CACNA2D4: variants seen among roughly 807,000 people sequenced by gnomAD.
CACNA2D4 encodes calcium voltage-gated channel auxiliary subunit alpha2delta 4.
CACNA2D4 carries 157 observed loss-of-function variants against 163.8 expected under a neutral mutation model. The observed-to-expected ratio is 0.96, with a 90% confidence interval of 0.84 to 1.09. CACNA2D4 has a LOEUF of 1.09. Ranked by LOEUF, CACNA2D4 falls within the 50% of genes least tolerant of loss-of-function variation. CACNA2D4 has a pLI of 0.00. For synonymous variants in CACNA2D4, 598 were observed against 586.9 expected (o/e 1.02, Z -0.27); for missense variants, 1,410 against 1,479.9 (o/e 0.95, Z 0.78).
intron 29 of CACNA2D4, among the ~76,000 whole-genome samples, chr12:1,808,444 G>A (rs1309168990): frequency 6.6e-6 from 1 of 152,248 alleles, no homozygotes; most frequent in Non-Finnish European, 1.5e-5. Context: ...AGGTTTTACT[G>A]GAGCAACGCC....
chr12:1,834,813 T>A lies in CACNA2D4; in HGVS notation c.2551+5926A>T. On this transcript the variant is annotated intron_variant, in intron 26 of 37. Coordinates refer to ENST00000382722, the MANE Select transcript of CACNA2D4 (RefSeq NM_172364.5). The surrounding 1 kb of genome is among the most constrained non-coding windows in gnomAD (Gnocchi z 7.6). The stretch of plus-strand genomic sequence containing the variant: ...CCCACCTTGACCCGGCGCTGGCCAC[T>A]GCCTCCCCGAGTCCACCCTCCTCCC... 1 of 1,453,912 alleles carries A rather than the reference T, an allele frequency of 6.9e-7. No homozygotes were observed. The highest frequency in any genetic ancestry group is 9.0e-7 in the Non-Finnish European group (1 of 1,106,616). 90.1% of individuals were successfully genotyped at this position (1,453,912 alleles called of 1,614,324 possible).
chr12:1,825,223 G>A (rs559287795), intron 26 of CACNA2D4, among the ~76,000 whole-genome samples: 13 of 152,224 alleles, frequency 8.5e-5, no homozygotes, highest in Admixed American at 3.9e-4. Context: ...CACAGTGTGG[G>A]AGACACTGAG....
rs977479069 is a variant in CACNA2D4, at chr12:1,849,530, T to G, written c.2247-2841A>C. On this transcript the variant is annotated intron_variant, in intron 23 of 37. Transcript: ENST00000382722. ...AATGAACTTGATATATGGCTAGGTT[T>G]AGCTGTTTCATTTGCTTTCAATTAC... Among the ~76,000 whole-genome samples the G allele has an allele frequency of 2.0e-4, 30 of 152,248 alleles. 1 individual carries two copies. The highest frequency in any genetic ancestry group is 5.9e-5 in the Non-Finnish European group (4 of 68,044).
chr12:1,893,385 G>T (rs978660881), intron 6 of CACNA2D4, among the ~76,000 whole-genome samples: 1 of 152,150 alleles, frequency 6.6e-6, no homozygotes, highest in African/African-American at 2.4e-5. Flanking sequence ...CACACATGGT[G>T]GTGGGCGCCT....
rs1353296584 is a variant in CACNA2D4, at chr12:1,917,593, G to C, written c.227+654C>G. On this transcript the variant is annotated intron_variant, in intron 1 of 37. Transcript: ENST00000382722. The surrounding 1 kb of genome is among the most constrained non-coding windows in gnomAD (Gnocchi z 4.3). ...GGGCCTAAAACACAGACACCCCAGA[G>C]AGGTTGCACAGTAATTTACATGTAC... is the stretch of plus-strand genomic sequence containing the variant. Among the ~76,000 whole-genome samples, 1 of 152,190 alleles carries C rather than the reference G, an allele frequency of 6.6e-6. No homozygotes were observed. The highest frequency in any genetic ancestry group is 1.9e-4 in the East Asian group (1 of 5,192).
At chr12:1,800,518 C>CTGGTCTCTCTG in intron 31 of CACNA2D4, 80 bp from the exon 32 acceptor site, 1 of 1,380,826 alleles carries the variant, frequency 7.2e-7, no homozygotes, top group Non-Finnish European at 1.0e-6. Context: ...GCACCACCCT[C>CTGGTCTCTCTG]AGAGAGACCA....
intron 6 of CACNA2D4, among the ~76,000 whole-genome samples, chr12:1,904,014 C>T (rs1309730355): frequency 6.6e-6 from 1 of 152,044 alleles, no homozygotes; most frequent in Non-Finnish European, 1.5e-5. Context: ...AAATGTGGTA[C>T]ATGTATACAA....
chr12:1,872,256 C>A (rs1352517192), intron 18 of CACNA2D4, among the ~76,000 whole-genome samples: 3 of 152,180 alleles, frequency 2.0e-5, no homozygotes, highest in Non-Finnish European at 4.4e-5. Context: ...GCCCCCTGCA[C>A]GGAGGCCTGT....
chr12:1,907,444 A>G lies in CACNA2D4; in HGVS notation c.777T>C (p.Tyr259=), dbSNP rs773705416. ...FGSATGFFRI[Y]PGIKWTPDEN... Reference sequence around the variant, plus strand: ...GATGCAACTCCATGTCCTTACCTGGATAGATCCTGAAGAATCCAGTTGCAC... The same window carrying G: ...GATGCAACTCCATGTCCTTACCTGGGTAGATCCTGAAGAATCCAGTTGCAC... Residue 259 remains tyrosine (Y), a synonymous_variant, in exon 6 of 38, where the codon TAT becomes TAC. Transcript: ENST00000382722. The G allele has an allele frequency of 3.1e-6, 5 of 1,613,878 alleles. No homozygotes were observed. The South Asian group carries it at 5.5e-5, about 18-fold the overall frequency.
At position 1,799,729 on chromosome 12, in the gene CACNA2D4, A is replaced by G; in HGVS notation, c.2975-34T>C. ...AACATAAGCCCAGCACAGGGTGGACACGGCACAGGAAAACATGGTGGCACA... is the reference window on the plus strand; with the variant it reads ...AACATAAGCCCAGCACAGGGTGGACGCGGCACAGGAAAACATGGTGGCACA... On this transcript the variant is annotated intron_variant, in intron 33 of 37. Transcript: ENST00000382722. The surrounding 1 kb of genome is among the most constrained non-coding windows in gnomAD (Gnocchi z 4.7). 1 of 1,565,714 alleles carries G rather than the reference A, an allele frequency of 6.4e-7. No homozygotes were observed. The highest frequency in any genetic ancestry group is 8.7e-7 in the Non-Finnish European group (1 of 1,155,496).
intron 18 of CACNA2D4, among the ~76,000 whole-genome samples, chr12:1,871,740 G>A (rs531658727): frequency 1.3e-5 from 2 of 152,260 alleles, no homozygotes; most frequent in East Asian, 1.9e-4. Flanking sequence ...TACAATACAC[G>A]TGTGCTGCTG....
chr12:1,811,399 C>T (rs372364434), intron 27 of CACNA2D4, among the ~76,000 whole-genome samples: 11 of 152,152 alleles, frequency 7.2e-5, no homozygotes, highest in Non-Finnish European at 1.3e-4. Context: ...CCCTTTTCAG[C>T]GGGGAGGCAT....
chr12:1,873,302 G>A (rs1784003718), intron 18 of CACNA2D4, among the ~76,000 whole-genome samples: 1 of 152,168 alleles, frequency 6.6e-6, no homozygotes, highest in Non-Finnish European at 1.5e-5. Flanking sequence ...GGAAGCCTTT[G>A]CGAAATTGCA....
At position 1,840,719 on chromosome 12, in the gene CACNA2D4, A is replaced by G. The variant is rs771158862; in HGVS notation, c.2551+20T>C. On this transcript the variant is annotated intron_variant, in intron 26 of 37. Coordinates refer to ENST00000382722, the MANE Select transcript of CACNA2D4 (RefSeq NM_172364.5). ...CTGTCCCCAGCTTCCTGGCCTCAAC[A>G]CCACAAGGGCCGTTCCTACCTGCAG... The G allele has an allele frequency of 3.1e-6, 5 of 1,608,210 alleles. No individual in the cohort carries two copies. Among genetic ancestry groups the G allele is most frequent in the Non-Finnish European group, 3.4e-6 (4 of 1,175,118 alleles).
At chr12:1,804,457 G>C (rs927604465) in intron 29 of CACNA2D4, among the ~76,000 whole-genome samples, 5 of 152,198 alleles carry the variant, frequency 3.3e-5, no homozygotes, top group Non-Finnish European at 7.3e-5. Flanking sequence ...ATTCTGAGAA[G>C]AGAGGTCCCT....
chr12:1,827,142 G>A (rs528296686), intron 26 of CACNA2D4, among the ~76,000 whole-genome samples: 28 of 141,832 alleles, frequency 2.0e-4, no homozygotes, highest in Non-Finnish European at 3.7e-4. Context: ...GCCCATCCCC[G>A]CCCTTGCCAG....
Position 1,792,064 on chromosome 12 carries a change from AT to A in CACNA2D4, c.*1590del, listed in dbSNP as rs1862993529. 1 of 152,246 alleles carries A rather than the reference AT, an allele frequency of 6.6e-6. No homozygotes were observed. Among genetic ancestry groups the A allele is most frequent in the Non-Finnish European group, 1.5e-5 (1 of 68,048 alleles). The allele number at this position is 152,246 out of a possible 1,614,324, so 9.4% of individuals were successfully genotyped here. ...TCAATCTTCATACACTCTTCCGGTA[AT>A]TTGGAGGCAATTTTCAACTCTGCTG... On this transcript the variant is annotated 3_prime_UTR_variant, in exon 38 of 38. Coordinates refer to ENST00000382722, the MANE Select transcript of CACNA2D4 (RefSeq NM_172364.5).
chr12:1,810,668 T>G (rs1050948941), intron 27 of CACNA2D4, 81 bp from the exon 28 acceptor site: 1 of 1,379,276 alleles, frequency 7.3e-7, no homozygotes, highest in African/African-American at 1.4e-5. Context: ...GCTGTGTGTG[T>G]GGTACGTCTG....
At chr12:1,879,214 C>T (rs1865942300) in intron 14 of CACNA2D4, among the ~76,000 whole-genome samples, 178 bp from the exon 15 acceptor site, 1 of 152,142 alleles carries the variant, frequency 6.6e-6, no homozygotes, top group Non-Finnish European at 1.5e-5. Context: ...GACGAGGTCC[C>T]AGGAGCAAAA....
Sources: gnomAD v4.1 joint callset for allele counts (sites outside exome capture counted in the v4.1 genomes callset) on GRCh38, gnomAD v4.1.1 for gene constraint, Gnocchi (gnomAD v3.1) non-coding constraint, MANE v1.5 for transcripts, NCBI Gene and HGNC (gene_info 2026-07-23, HGNC 2026-07-21) for gene names.